GRM7: variants seen among roughly 807,000 people sequenced by gnomAD.
The protein encoded by GRM7 is glutamate metabotropic receptor 7, also known as metabotropic glutamate receptor 7.
A neutral mutation model predicts 84.5 loss-of-function variants in GRM7; 35 were observed. The observed-to-expected ratio is 0.41, with a 90% CI of 0.32 to 0.55. GRM7 has a LOEUF of 0.55. Among genes scored for constraint, GRM7 ranks in the 20% least tolerant of loss-of-function variants. GRM7 has a pLI of 0.19. For synonymous variants in GRM7, 487 were observed against 455.1 expected, an observed-to-expected ratio of 1.07 and a Z score of -0.89; for missense variants, 1,003 against 1,194.6, an observed-to-expected ratio of 0.84 and a Z score of 2.36.
At chr3:6,945,398 T>C (rs1389552507) in intron 1 of GRM7, among the ~76,000 whole-genome samples, 1 of 152,142 alleles carries the variant, frequency 6.6e-6, no homozygotes, top group Non-Finnish European at 1.5e-5. Flanking sequence ...GAACTCATCA[T>C]TTTTTATGGC....
At chr3:7,098,368 T>A (rs946476813) in intron 1 of GRM7, among the ~76,000 whole-genome samples, 1 of 152,028 alleles carries the variant, frequency 6.6e-6, no homozygotes, top group African/African-American at 2.4e-5. Flanking sequence ...CATAATTAAT[T>A]CACCTACAAT....
At position 7,514,013 on chromosome 3, in the gene GRM7, T is replaced by A. The variant is rs1035405169; in HGVS notation, c.1515+52291T>A. On this transcript the variant is annotated intron_variant, in intron 7 of 9. Transcript: ENST00000357716. ...ACTTCACTACTAACTGTGTGTACCT[T>A]GAGTGACTTAATCTATTTCCTTAGC... Among the ~76,000 whole-genome samples the A allele has an allele frequency of 3.9e-5, 6 of 152,236 alleles. No individual in the cohort carries two copies. In the East Asian group the frequency reaches 1.2e-3, roughly 29 times the overall value.
At chr3:7,426,095 G>GTTCTTTCTTTCTTTCTTTCT (rs144628224) in intron 5 of GRM7, among the ~76,000 whole-genome samples, 4 of 150,552 alleles carry the variant, frequency 2.7e-5, no homozygotes, top group African/African-American at 9.8e-5. Flanking sequence ...CATATCATAC[G>GTTCTTTCTTTCTTTCTTTCT]TTCTTTCTTT....
intron 8 of GRM7, among the ~76,000 whole-genome samples, chr3:7,583,000 T>G (rs1269898464): frequency 1.3e-5 from 2 of 152,330 alleles, no homozygotes; most frequent in East Asian, 3.9e-4. Flanking sequence ...CTGTAAATAT[T>G]TACTTGATTC....
chr3:7,254,940 C>G (rs529070142), intron 2 of GRM7, among the ~76,000 whole-genome samples: 31 of 152,182 alleles, frequency 2.0e-4, no homozygotes, highest in Non-Finnish European at 4.3e-4. Flanking sequence ...GCTTGACTTT[C>G]AGAGGTCTAC....
chr3:7,339,401 G>C (rs554066038), intron 4 of GRM7, among the ~76,000 whole-genome samples: 1 of 152,250 alleles, frequency 6.6e-6, no homozygotes, highest in East Asian at 1.9e-4. Flanking sequence ...TGACCACAGG[G>C]TTCAAACTTT....
intron 1 of GRM7, among the ~76,000 whole-genome samples, chr3:7,020,313 G>A (rs1695730616): frequency 1.3e-5 from 2 of 152,206 alleles, no homozygotes; most frequent in African/African-American, 2.4e-5. Flanking sequence ...GCAACACTAT[G>A]GAGACAGTAA....
intron 9 of GRM7, among the ~76,000 whole-genome samples, chr3:7,689,492 A>T (rs772947888): frequency 6.6e-6 from 1 of 152,146 alleles, no homozygotes; most frequent in Non-Finnish European, 1.5e-5. Flanking sequence ...GCAGCTATAA[A>T]TCTTTTTGGC....
rs9811996 is a variant in GRM7, at chr3:6,911,546, C to T, written c.519+49639C>T. ...CAGAAGTTATTATATAATAAAATTACAGAAGCAGGAAACTGGAAAAAGTCA... is the reference window on the plus strand; with the variant it reads ...CAGAAGTTATTATATAATAAAATTATAGAAGCAGGAAACTGGAAAAAGTCA... On this transcript the variant is annotated intron_variant, in intron 1 of 9. Coordinates refer to ENST00000357716, the MANE Select transcript of GRM7 (RefSeq NM_000844.4). Among the ~76,000 whole-genome samples, 713 of 152,076 alleles carry T rather than the reference C, an allele frequency of 4.7e-3. 3 individuals are homozygous for T. Among genetic ancestry groups the T allele is most frequent in the African/African-American group, 0.016 (676 of 41,512 alleles).
intron 5 of GRM7, among the ~76,000 whole-genome samples, chr3:7,452,069 C>G (rs1697793106): frequency 6.6e-6 from 1 of 152,070 alleles, no homozygotes; most frequent in Non-Finnish European, 1.5e-5. Flanking sequence ...TGCTAGAATT[C>G]ATTAGACTTA....
rs775274840 is a variant in GRM7 at position 7,579,112 on chromosome 3, A to C, written c.2206A>C (p.Lys736Gln). The C allele has an allele frequency of 6.2e-7, 1 of 1,613,878 alleles. No homozygotes were observed. The highest frequency in any genetic ancestry group is 8.5e-7 in the Non-Finnish European group (1 of 1,179,794). ...PNIIIDYDEH[K>Q]TMNPEQARGV... Reference sequence around the variant, plus strand: ...CATCATCATAGACTATGATGAACACAAGACAATGAACCCTGAGCAAGCCAG... The same window carrying C: ...CATCATCATAGACTATGATGAACACCAGACAATGAACCCTGAGCAAGCCAG... The change falls in exon 8 of 10, where the codon AAG (lysine) becomes CAG (glutamine). Residue 736 changes from lysine (K) to glutamine (Q), a missense_variant. Coordinates refer to ENST00000357716, the MANE Select transcript of GRM7 (RefSeq NM_000844.4).
chr3:7,397,499 A>C (rs1695259585), intron 4 of GRM7, among the ~76,000 whole-genome samples: 1 of 152,196 alleles, frequency 6.6e-6, no homozygotes, highest in Non-Finnish European at 1.5e-5. Flanking sequence ...AGCATAATAG[A>C]GTGACTATAG....
At chr3:6,932,751 C>CTTTTTTTTT (rs35962540) in intron 1 of GRM7, among the ~76,000 whole-genome samples, 1 of 93,812 alleles carries the variant, frequency 1.1e-5, no homozygotes, top group Non-Finnish European at 2.0e-5. Flanking sequence ...TTCTTTCTCT[C>CTTTTTTTTT]TTTTTTTTTT....
chr3:7,381,675 C>G (rs1340397403), intron 4 of GRM7, among the ~76,000 whole-genome samples: 1 of 152,136 alleles, frequency 6.6e-6, no homozygotes, highest in Non-Finnish European at 1.5e-5. Context: ...ATAATAGTGA[C>G]TACACTATTG....
chr3:7,065,324 T>C (rs969099037), intron 1 of GRM7, among the ~76,000 whole-genome samples: 6 of 151,966 alleles, frequency 3.9e-5, no homozygotes, highest in Non-Finnish European at 8.8e-5. Flanking sequence ...TAGTTTCAGA[T>C]CTTAAGTTTA....
At chr3:6,912,230 A>G (rs1172869938) in intron 1 of GRM7, among the ~76,000 whole-genome samples, 1 of 152,230 alleles carries the variant, frequency 6.6e-6, no homozygotes, top group Non-Finnish European at 1.5e-5. Flanking sequence ...GCTGCATTAG[A>G]TAAAATTAAA....
intron 1 of GRM7, among the ~76,000 whole-genome samples, chr3:6,865,788 G>C (rs911269692): frequency 6.6e-6 from 1 of 151,784 alleles, no homozygotes; most frequent in South Asian, 2.1e-4. Context: ...ATCGTAATCC[G>C]ATAGAGCTGA....
At chr3:7,166,504 C>T (rs1694804377) in intron 2 of GRM7, among the ~76,000 whole-genome samples, 1 of 152,170 alleles carries the variant, frequency 6.6e-6, no homozygotes. Flanking sequence ...TTACCCTTCC[C>T]CAGCCACTGT....
chr3:6,903,364 T>C (rs985887282), intron 1 of GRM7, among the ~76,000 whole-genome samples: 15 of 152,146 alleles, frequency 9.9e-5, no homozygotes, highest in Admixed American at 9.2e-4. Context: ...TGGATTGTTT[T>C]GTGATTCCTA....
Sources: gnomAD v4.1 joint callset for allele counts (sites outside exome capture counted in the v4.1 genomes callset) on GRCh38, gnomAD v4.1.1 for gene constraint, MANE v1.5 for transcripts, NCBI Gene and HGNC (gene_info 2026-07-23, HGNC 2026-07-21) for gene names.